The following NOP2 variants were observed in gnomAD, a reference collection of about 807,000 sequenced individuals.
The protein encoded by NOP2 is 28S rRNA (cytosine(4447)-C(5))-methyltransferase.
NOP2 carries 7 observed loss-of-function variants against 72.7 expected under a neutral mutation model. The observed-to-expected ratio is 0.10, with a 90% CI of 0.05 to 0.18. The LOEUF is 0.18. Ranked by LOEUF, NOP2 falls within the 10% of genes least tolerant of loss-of-function variation. The pLI, the probability that NOP2 is intolerant of heterozygous loss-of-function variation, is 1.00. For synonymous variants in NOP2, 387 were observed against 388.0 expected, an observed-to-expected ratio of 1.00 and a Z score of 0.03; for missense variants, 954 against 1,014.7, an observed-to-expected ratio of 0.94 and a Z score of 0.81.
rs1349785569 is a variant in NOP2, at chr12:6,563,337, A to G, written c.866T>C (p.Met289Thr). ...TACCTCAGACAGAGGGAAGAGGTCC[A>G]TGAGCTTGCCAAGCAGGAAGTCTCC... ...SYGDFLLGKLMDLFPLSELVE... is the reference protein window; with the variant it reads ...SYGDFLLGKLTDLFPLSELVE... The change falls in exon 8 of 16, where the codon ATG becomes ACG. Residue 289 changes from methionine (M) to threonine (T), a missense_variant. Physicochemically the swap from Met to Thr is moderately conservative, Grantham distance 81. Transcript: ENST00000322166. 6 of 1,597,696 alleles carry G rather than the reference A, an allele frequency of 3.8e-6. No individual in the cohort carries two copies. Among genetic ancestry groups the G allele is most frequent in the South Asian group, 3.4e-5 (3 of 88,196 alleles).
At position 6,560,018 on chromosome 12, in the gene NOP2, T is replaced by C; in HGVS notation, c.1789+80A>G. The stretch of plus-strand genomic sequence containing the variant: ...GGGATGCATGAATCTTTCCTTTCCC[T>C]TCCTCTTGTCACACCATAAAGCCTC... On this transcript the variant is annotated intron_variant, in intron 15 of 15. Transcript: ENST00000322166. This position sits in a 1 kb window ranked among gnomAD's most constrained non-coding sequence, Gnocchi z 5.0. 2 of 1,049,204 alleles carry C rather than the reference T, an allele frequency of 1.9e-6. No individual in the cohort carries two copies. The highest frequency in any genetic ancestry group is 2.9e-6 in the Non-Finnish European group (2 of 692,954). The allele number at this position is 1,049,204 out of a possible 1,614,324, so 65.0% of individuals were successfully genotyped here. A position where few individuals can be genotyped will look rare whatever the true frequency, so the allele number is the denominator to read the frequency against.
At chr12:6,566,459 TA>T in intron 4 of NOP2, 69 bp downstream of exon 4, 1 of 1,533,586 alleles carries the variant, frequency 6.5e-7, no homozygotes, top group Middle Eastern at 1.7e-4. Context: ...CGGAAATGTT[TA>T]GCGAGTTCTT....
chr12:6,565,951 T>C (rs932415604), intron 5 of NOP2, 150 bp downstream of exon 5: 13 of 648,770 alleles, frequency 2.0e-5, no homozygotes, highest in Non-Finnish European at 3.5e-5. Context: ...ACTGGGAGGA[T>C]ATAAGGCAGT....
rs1255047609 is a variant in NOP2, at chr12:6,557,586, A to T, written c.1846T>A (p.Ser616Thr). 1.2e-6 allele frequency: 2 copies of T among 1,613,526 alleles called. No homozygotes were observed. The highest frequency in any genetic ancestry group is 1.7e-6 in the Non-Finnish European group (2 of 1,179,794). ...TTGGCTGGCTGGCTGCTGTTCTCAG[A>T]CTTGGGGATGACCTGAGGCAAGTCT... ...NVDLPQVIPK[S>T]ENSSQPAKKA... is the part of the protein sequence containing the mutation. Residue 616 changes from serine to threonine, a missense_variant, in exon 16 of 16, where the codon TCT becomes ACT. Ser to Thr is a moderately conservative substitution (Grantham distance 58). Coordinates refer to ENST00000322166, the MANE Select transcript of NOP2 (RefSeq NM_001258308.2).
intron 5 of NOP2, among the ~76,000 whole-genome samples, chr12:6,565,536 C>T (rs748233600): frequency 5.9e-5 from 9 of 151,976 alleles, no homozygotes; most frequent in Middle Eastern, 3.4e-3. Context: ...GATGGGGTTT[C>T]GCCATATTGT....
rs1466790855 is a variant in NOP2, at chr12:6,557,068, G to C, written c.2364C>G (p.Ile788Met). Reference sequence around the variant, plus strand: ...TTGCTGGTGGGGGGCGGCTGGAACGGATGGGAGACACAGTGGGAGGCTGAG... The same window carrying C: ...TTGCTGGTGGGGGGCGGCTGGAACGCATGGGAGACACAGTGGGAGGCTGAG... Reference protein sequence around the residue: ...KGPQPPTVSPIRSSRPPPAKR... With the variant: ...KGPQPPTVSPMRSSRPPPAKR... The change falls in exon 16 of 16, where the codon ATC becomes ATG. Residue 788 changes from isoleucine to methionine, a missense_variant. Ile to Met is a conservative substitution (Grantham distance 10). This residue lies in a region of NOP2 where 269 missense variants were observed against 260.2 expected (regional missense o/e 1.03). Coordinates refer to ENST00000322166, the MANE Select transcript of NOP2 (RefSeq NM_001258308.2). The C allele has an allele frequency of 6.2e-7, 1 of 1,613,998 alleles. No individual in the cohort carries two copies. Among genetic ancestry groups the C allele is most frequent in the East Asian group, 2.2e-5 (1 of 44,880 alleles).
At chr12:6,565,988 C>T in intron 5 of NOP2, 113 bp downstream of exon 5, 1 of 837,582 alleles carries the variant, frequency 1.2e-6, no homozygotes, top group Non-Finnish European at 1.9e-6. Flanking sequence ...AGCACAAAAA[C>T]CCCTTTCCTC....
chr12:6,563,170 G>C lies in NOP2; in HGVS notation c.889C>G (p.Leu297Val). Residue 297 changes from leucine to valine, a missense_variant and splice_region_variant, in exon 9 of 16, where the codon CTG becomes GTG. Physicochemically the swap from Leu to Val is conservative, Grantham distance 32 (BLOSUM62 1). This residue lies in a region of NOP2 where 498 missense variants were observed against 478.3 expected (regional missense o/e 1.04). Coordinates refer to ENST00000322166, the MANE Select transcript of NOP2 (RefSeq NM_001258308.2). ...TCATTAGCTTCTAAGAACTCCACCA[G>C]CTGCGGGGCAAGACAGCAGGGAATA... Reference protein sequence around the residue: ...KLMDLFPLSELVEFLEANEVP... With the variant: ...KLMDLFPLSEVVEFLEANEVP... The C allele has an allele frequency of 3.2e-6, 5 of 1,586,214 alleles. No individual in the cohort carries two copies. The highest frequency in any genetic ancestry group is 4.3e-6 in the Non-Finnish European group (5 of 1,166,394).
In NOP2 at chr12:6,567,841, T is replaced by C; in HGVS notation, c.78A>G (p.Thr26=). The change falls in exon 2 of 16, where the codon ACA becomes ACG. Residue 26 remains threonine (T), a synonymous_variant. Transcript: ENST00000322166. ...CTGCAGGCAAGAATCTGACGAGTTC[T>C]GTCTCGGCACCCTTCTGCTTCCGGG... is the stretch of plus-strand genomic sequence containing the variant. The part of the protein sequence containing the change: ...RKARKQKGAE[T]ELVRFLPAVS... 6.2e-7 allele frequency: 1 copy of C among 1,614,038 alleles called. No homozygotes were observed. The highest frequency in any genetic ancestry group is 8.5e-7 in the Non-Finnish European group (1 of 1,179,882).
At position 6,563,929 on chromosome 12, in the gene NOP2, T is replaced by A; in HGVS notation, c.492A>T (p.Arg164Ser). Residue 164 changes from arginine (R) to serine (S), a missense_variant, in exon 6 of 16, where the codon AGA becomes AGT. By Grantham distance (110) the Arg-to-Ser change is moderately radical. This residue lies in a region of NOP2 where 498 missense variants were observed against 478.3 expected (regional missense o/e 1.04). Transcript: ENST00000322166. ...EEGEALLPIE[R>S]AARKQKAREA... is the part of the protein sequence containing the mutation. ...CCCGGGCCTTCTGCTTCCGAGCAGC[T>A]CTTTCAATGGGCAGCAACTGAAGAG... 6.2e-7 allele frequency: 1 copy of A among 1,613,578 alleles called. No individual in the cohort carries two copies. Among genetic ancestry groups the A allele is most frequent in the Non-Finnish European group, 8.5e-7 (1 of 1,179,710 alleles).
rs568191385 is a variant in NOP2, at chr12:6,560,854, C to T, written c.1348-67G>A. 18 of 1,608,480 alleles carry T rather than the reference C, an allele frequency of 1.1e-5. No individual in the cohort carries two copies. Among genetic ancestry groups the T allele is most frequent in the East Asian group, 6.7e-5 (3 of 44,604 alleles). ...CCAGCAGGGCAATATTTACTAGGGT[C>T]GAGTCTAAACATTGAGGTCAGGAAG... On this transcript the variant is annotated intron_variant, in intron 12 of 15. Transcript: ENST00000322166. This position sits in a 1 kb window ranked among gnomAD's most constrained non-coding sequence, Gnocchi z 5.0.
chr12:6,562,273 G>A (rs1947672438), intron 9 of NOP2, among the ~76,000 whole-genome samples: 1 of 152,146 alleles, frequency 6.6e-6, no homozygotes, highest in African/African-American at 2.4e-5. Context: ...TACAGGCGTT[G>A]AGTCACCGCG....
Position 6,566,616 on chromosome 12 carries a change from C to A in NOP2, c.151G>T (p.Ala51Ser). The A allele has an allele frequency of 6.2e-7, 1 of 1,613,722 alleles. No individual in the cohort carries two copies. ...ACAGAGCCCAATCTCCTCTTGGCTG[C>A]CCTGAAAAGACACAAGAGATTCAAG... ...KRLSSRARKR[A>S]AKRRLGSVEA... Residue 51 changes from alanine (A) to serine (S), a missense_variant and splice_region_variant, in exon 4 of 16, where the codon GCA becomes TCA. Transcript: ENST00000322166.
intron 2 of NOP2, 113 bp from the exon 3 acceptor site, chr12:6,566,935 T>A: frequency 2.4e-6 from 2 of 830,870 alleles, no homozygotes; most frequent in Non-Finnish European, 3.9e-6. Flanking sequence ...GGAGTCCATT[T>A]AAATCTCAGC....
At chr12:6,565,206 T>G (rs1007940672) in intron 5 of NOP2, among the ~76,000 whole-genome samples, 2 of 149,778 alleles carry the variant, frequency 1.3e-5, no homozygotes, top group Non-Finnish European at 3.0e-5. Flanking sequence ...CAAGCTGGAG[T>G]GCAGTGGTAA....
rs778366141 is a variant in NOP2, at chr12:6,560,610, G to C, written c.1438-41C>G. The C allele has an allele frequency of 2.2e-4, 349 of 1,604,116 alleles. No homozygotes were observed. The highest frequency in any genetic ancestry group is 2.8e-4 in the Non-Finnish European group (330 of 1,172,994). ...ACCCAAAGGCAGCCTCAGGAGGAGA[G>C]GGGAGCCCAGAGGGTGTCCCCATCT... On this transcript the variant is annotated intron_variant, in intron 13 of 15. Transcript: ENST00000322166. The surrounding 1 kb of genome is among the most constrained non-coding windows in gnomAD (Gnocchi z 5.0).
At chr12:6,566,397 G>A (rs906336435) in intron 4 of NOP2, 61 bp from the exon 5 acceptor site, 3 of 1,516,522 alleles carry the variant, frequency 2.0e-6, no homozygotes, top group Non-Finnish European at 2.7e-6. Flanking sequence ...CCACACCCTG[G>A]GAGCCTGTAC....
intron 5 of NOP2, among the ~76,000 whole-genome samples, chr12:6,564,981 G>A (rs1947741746): frequency 1.3e-5 from 2 of 151,972 alleles, no homozygotes; most frequent in African/African-American, 2.4e-5. Flanking sequence ...TAGATACAAG[G>A]GGATGTAGGA....
chr12:6,565,667 A>G (rs1947761514), intron 5 of NOP2, among the ~76,000 whole-genome samples: 1 of 151,140 alleles, frequency 6.6e-6, no homozygotes, highest in Non-Finnish European at 1.5e-5. Context: ...TAGATACGGG[A>G]TCTCCCTATG....
Sources: gnomAD v4.1 joint callset for allele counts (sites outside exome capture counted in the v4.1 genomes callset) on GRCh38, gnomAD v4.1.1 for gene constraint, gnomAD v4.1.1 regional missense constraint, Gnocchi (gnomAD v3.1) non-coding constraint, MANE v1.5 for transcripts, NCBI Gene and HGNC (gene_info 2026-07-23, HGNC 2026-07-21) for gene names.